Variants in CLCN4 observed in about 807,000 individuals in gnomAD.
CLCN4 encodes H(+)/Cl(-) exchange transporter 4.
A neutral mutation model predicts 41.7 loss-of-function variants in CLCN4; 1 was observed. The ratio of observed to expected loss-of-function variants is 0.02; its 90% CI spans 0.01 to 0.11. The LOEUF (loss-of-function observed/expected upper bound fraction) is 0.11, where lower values mean the gene tolerates loss of function less well. Ranked by LOEUF, CLCN4 falls within the 10% of genes least tolerant of loss-of-function variation. The pLI is 1.00. For synonymous variants in CLCN4, 277 were observed against 285.8 expected (o/e 0.97, Z 0.31); for missense variants, 287 against 661.0 (o/e 0.43, Z 6.20).
chrX:10,195,224 T>A, intron 5 of CLCN4, 126 bp downstream of exon 5: 2 of 625,951 alleles, frequency 3.2e-6, no homozygotes, highest in Non-Finnish European at 4.9e-6. Flanking sequence ...GTTCGTGGCT[T>A]AACACTAGAT....
At chrX:10,167,226 C>T (rs1386957045) in intron 2 of CLCN4, among the ~76,000 whole-genome samples, 5 of 112,308 alleles carry the variant, frequency 4.5e-5, no homozygotes, top group African/African-American at 6.5e-5. Flanking sequence ...ACCTGGCTCC[C>T]GTCACTGTCA....
intron 2 of CLCN4, 106 bp from the exon 3 acceptor site, chrX:10,184,916 C>A: frequency 1.7e-6 from 1 of 600,139 alleles, no homozygotes; most frequent in Middle Eastern, 5.3e-4. Flanking sequence ...GATGCCTATG[C>A]TGAAATAATT....
At chrX:10,197,357 C>T (rs930830421) in intron 5 of CLCN4, among the ~76,000 whole-genome samples, 9 of 111,566 alleles carry the variant, frequency 8.1e-5, no homozygotes, top group South Asian at 3.9e-4. Context: ...GGGCCCCAGC[C>T]GGGAGTGTCT....
At position 10,206,582 on chromosome X, in the gene CLCN4, C is replaced by G; in HGVS notation, c.762+18C>G. 2 of 1,204,347 alleles carry G rather than the reference C, an allele frequency of 1.7e-6. No homozygotes were observed. Among genetic ancestry groups the G allele is most frequent in the Non-Finnish European group, 2.2e-6 (2 of 889,362 alleles). On this transcript the variant is annotated intron_variant, in intron 7 of 12. Transcript: ENST00000380833. ...GGCGGGAGGTGAGCCAGCTCAGCTT[C>G]CATCTGCAGCGAAACTTTCTTCTCA...
chrX:10,191,385 C>T (rs1038981740), intron 4 of CLCN4, among the ~76,000 whole-genome samples: 3 of 112,526 alleles, frequency 2.7e-5, no homozygotes, highest in Non-Finnish European at 5.6e-5. Context: ...TTTTCACTAC[C>T]AAGTACAATT....
chrX:10,185,597 C>T (rs546730641), intron 3 of CLCN4, among the ~76,000 whole-genome samples: 4 of 111,950 alleles, frequency 3.6e-5, no homozygotes, highest in African/African-American at 1.3e-4. Flanking sequence ...CATTTAGGTT[C>T]GGTTAGGGAA....
intron 2 of CLCN4, among the ~76,000 whole-genome samples, chrX:10,179,354 A>C (rs1281803601): frequency 8.9e-6 from 1 of 111,771 alleles, no homozygotes; most frequent in Non-Finnish European, 1.9e-5. Context: ...AGCTGTGGTC[A>C]CACACCCATA....
intron 11 of CLCN4, among the ~76,000 whole-genome samples, chrX:10,219,541 C>T (rs1924807821): frequency 8.9e-6 from 1 of 112,514 alleles, no homozygotes; most frequent in African/African-American, 3.2e-5. Context: ...AAGGCATTTG[C>T]CCAGCAGGCC....
Position 10,235,755 on chromosome X carries a change from G to A in CLCN4, c.*2171G>A, listed in dbSNP as rs931807279. 1.8e-5 allele frequency: 2 copies of A among 112,628 alleles called. No homozygotes were observed. Among genetic ancestry groups the A allele is most frequent in the African/African-American group, 6.5e-5 (2 of 30,951 alleles). The allele number at this position is 112,628 out of a possible 1,213,427, so 9.3% of individuals were successfully genotyped here. ...GCTGACACAATAAGAAAATTTGTTT[G>A]TGTAATTCATTGACCTCTTCCTTCC... On this transcript the variant is annotated 3_prime_UTR_variant, in exon 13 of 13. Coordinates refer to ENST00000380833, the MANE Select transcript of CLCN4 (RefSeq NM_001830.4).
rs1924632584 is a variant in CLCN4 at position 10,213,767 on chromosome X, G to A, written c.1663G>A (p.Ala555Thr). Reference sequence around the variant, plus strand: ...GGAGTACATCGTGCCCCTGATGGCGGCGGCTGTGACCAGCAAGTGGGTAGC... The same window carrying A: ...GGAGTACATCGTGCCCCTGATGGCGACGGCTGTGACCAGCAAGTGGGTAGC... ...GLEYIVPLMA[A>T]AVTSKWVADA... The change falls in exon 11 of 13, where the codon GCG becomes ACG. Residue 555 changes from alanine to threonine, a missense_variant. Physicochemically the swap from Ala to Thr is moderately conservative, Grantham distance 58. Coordinates refer to ENST00000380833, the MANE Select transcript of CLCN4 (RefSeq NM_001830.4). The A allele has an allele frequency of 8.3e-7, 1 of 1,210,461 alleles. No individual in the cohort carries two copies.
chrX:10,201,860 C>A (rs768699208), intron 6 of CLCN4, among the ~76,000 whole-genome samples: 1 of 112,014 alleles, frequency 8.9e-6, no homozygotes, highest in African/African-American at 3.3e-5. Context: ...GTAATCCCAG[C>A]TACTTAGGAG....
chrX:10,193,833 T>G (rs1225305897), intron 4 of CLCN4, among the ~76,000 whole-genome samples: 1 of 111,289 alleles, frequency 9.0e-6, no homozygotes, highest in Non-Finnish European at 1.9e-5. Context: ...TGGATCCTGT[T>G]CTAGAGGAAT....
At chrX:10,205,732 C>T (rs766523317) in intron 6 of CLCN4, among the ~76,000 whole-genome samples, 1 of 107,910 alleles carries the variant, frequency 9.3e-6, no homozygotes, top group African/African-American at 3.4e-5. Context: ...CTCAGCCTCC[C>T]AAGTAGCTAG....
chrX:10,191,775 A>G (rs1224667081), intron 4 of CLCN4, among the ~76,000 whole-genome samples: 1 of 96,930 alleles, frequency 1.0e-5, no homozygotes, highest in African/African-American at 4.0e-5. Flanking sequence ...CCTGGCCTCA[A>G]ACGATTTGTC....
chrX:10,166,910 G>A (rs1408431473), intron 2 of CLCN4, among the ~76,000 whole-genome samples: 1 of 111,431 alleles, frequency 9.0e-6, no homozygotes, highest in Non-Finnish European at 1.9e-5. Context: ...TTTCCAACAC[G>A]TGGGCTGGGT....
At chrX:10,160,222 C>T (rs1193877316) in intron 2 of CLCN4, among the ~76,000 whole-genome samples, 1 of 111,557 alleles carries the variant, frequency 9.0e-6, no homozygotes, top group Non-Finnish European at 1.9e-5. Flanking sequence ...TCTTCGGGCT[C>T]CAAGAATTCA....
chrX:10,231,910 C>T (rs1160159367), intron 12 of CLCN4, among the ~76,000 whole-genome samples: 5 of 112,462 alleles, frequency 4.4e-5, no homozygotes, highest in Non-Finnish European at 7.5e-5. Flanking sequence ...CTAACTATTA[C>T]ATTGGGGGTT....
chrX:10,226,559 G>A (rs978027927), intron 12 of CLCN4, among the ~76,000 whole-genome samples: 1 of 111,434 alleles, frequency 9.0e-6, no homozygotes, highest in African/African-American at 3.3e-5. Context: ...CAGAACTGAA[G>A]GAGACAGAGA....
intron 4 of CLCN4, among the ~76,000 whole-genome samples, chrX:10,192,960 T>C (rs1034873325): frequency 1.8e-5 from 2 of 112,116 alleles, no homozygotes; most frequent in Non-Finnish European, 3.8e-5. Context: ...TGGGTTCCTC[T>C]CCCAGTTGGG....
Sources: gnomAD v4.1 joint callset for allele counts (sites outside exome capture counted in the v4.1 genomes callset) on GRCh38, gnomAD v4.1.1 for gene constraint, MANE v1.5 for transcripts, NCBI Gene and HGNC (gene_info 2026-07-23, HGNC 2026-07-21) for gene names.